The following IDE variants were observed in gnomAD, a reference collection of about 807,000 sequenced individuals.
IDE encodes insulin-degrading enzyme.
IDE carries 58 observed loss-of-function variants against 133.2 expected under a neutral mutation model. The observed-to-expected ratio is 0.44, with a 90% CI of 0.35 to 0.54. IDE has a LOEUF of 0.54. Among genes scored for constraint, IDE ranks in the 20% least tolerant of loss-of-function variants. The probability of loss-of-function intolerance (pLI) is 0.00; values close to 1 mark genes in which losing one functional copy is unlikely to be tolerated. For missense variants in IDE, 981 were observed against 1,234.0 expected, an observed-to-expected ratio of 0.79 and a Z score of 3.07; for synonymous variants, 396 against 421.3, an observed-to-expected ratio of 0.94 and a Z score of 0.73.
At chr10:92,514,015 A>G (rs1446056642) in intron 5 of IDE, among the ~76,000 whole-genome samples, 1 of 152,188 alleles carries the variant, frequency 6.6e-6, no homozygotes, top group Non-Finnish European at 1.5e-5. Flanking sequence ...TAAAATCAGT[A>G]TTTAGCCAAT....
intron 11 of IDE, among the ~76,000 whole-genome samples, chr10:92,504,272 A>C (rs954222053): frequency 1.3e-5 from 2 of 152,194 alleles, no homozygotes; most frequent in Non-Finnish European, 2.9e-5. Context: ...AAGCACTTTA[A>C]GGACTACTTT....
At chr10:92,477,764 C>A (rs564972020) in intron 15 of IDE, among the ~76,000 whole-genome samples, 1 of 151,980 alleles carries the variant, frequency 6.6e-6, no homozygotes, top group Non-Finnish European at 1.5e-5. Context: ...TACTAAAAAT[C>A]AACAGAAAAA....
chr10:92,537,202 A>C (rs1418990459), intron 2 of IDE, among the ~76,000 whole-genome samples, 164 bp downstream of exon 2: 1 of 152,230 alleles, frequency 6.6e-6, no homozygotes, highest in Non-Finnish European at 1.5e-5. Flanking sequence ...TATTTGACTG[A>C]AACAACTGCA....
intron 15 of IDE, chr10:92,478,834 G>GT: frequency 9.4e-7 from 1 of 1,066,468 alleles, no homozygotes; most frequent in Non-Finnish European, 1.2e-6. Flanking sequence ...ACCTCAAGCA[G>GT]TGGCATGGTA....
chr10:92,502,304 A>T (rs887729012), intron 11 of IDE, among the ~76,000 whole-genome samples: 37 of 151,688 alleles, frequency 2.4e-4, no homozygotes, highest in African/African-American at 8.0e-4. Flanking sequence ...GTCTTCTTTC[A>T]TTTTTCTCGG....
intron 19 of IDE, among the ~76,000 whole-genome samples, chr10:92,466,505 C>G (rs145268851): frequency 6.6e-6 from 1 of 152,014 alleles, no homozygotes; most frequent in Non-Finnish European, 1.5e-5. Flanking sequence ...TTGGTAGATA[C>G]GGGGTTTTGC....
chr10:92,524,445 T>TAATATATATATA (rs369893619), intron 4 of IDE, among the ~76,000 whole-genome samples: 3 of 13,268 alleles, frequency 2.3e-4, no homozygotes, highest in African/African-American at 1.1e-3. Flanking sequence ...ATATAATATA[T>TAATATATATATA]TTTATATATT....
chr10:92,463,611 AC>A, intron 21 of IDE, 119 bp downstream of exon 21: 3 of 892,984 alleles, frequency 3.4e-6, no homozygotes, highest in South Asian at 1.6e-5. Flanking sequence ...CCATCCCCCC[AC>A]CCCAACTCCC....
rs117380768 is a variant in IDE, at chr10:92,534,191, G to A, written c.491+387C>T. 3.3e-3 allele frequency among the ~76,000 whole-genome samples: 501 copies of A among 152,282 alleles called. 9 individuals carry two copies. The East Asian group carries it at 0.063, about 19-fold the overall frequency. ...CACGGTTGAAACAGCAGGTCAAAAC[G>A]TTCTGTATCTACTAAGCATCCTTGA... On this transcript the variant is annotated intron_variant, in intron 3 of 24. Transcript: ENST00000265986.
At chr10:92,472,845 C>T (rs957768578) in intron 17 of IDE, among the ~76,000 whole-genome samples, 1 of 151,488 alleles carries the variant, frequency 6.6e-6, no homozygotes, top group Non-Finnish European at 1.5e-5. Flanking sequence ...ACCATGTTGG[C>T]CAGAATGGTC....
chr10:92,559,287 C>G (rs1320296818), intron 1 of IDE: 1 of 152,060 alleles, frequency 6.6e-6, no homozygotes, highest in African/African-American at 2.4e-5. Context: ...CCAAGAGAAA[C>G]GAAAATAAGT....
chr10:92,563,869 A>T (rs995067360), intron 1 of IDE, among the ~76,000 whole-genome samples: 1 of 152,182 alleles, frequency 6.6e-6, no homozygotes, highest in African/African-American at 2.4e-5. Context: ...CTTTTTTGTC[A>T]AAGTCTCACA....
chr10:92,470,339 GT>G lies in IDE; in HGVS notation c.2122del (p.Thr708ProfsTer26). On this transcript the variant is annotated frameshift_variant, in exon 18 of 25. Transcript: ENST00000265986. LOFTEE classifies it high-confidence loss of function. ...DELKEALDDV[T>X]LPRLKAFIPQ... ...TATGAAGGCCTTAAGGCGAGGAAGG[GT>G]TACATCTGCAAAGGTGTAAGAAGAC... 6.3e-7 allele frequency: 1 copy of G among 1,599,998 alleles called. No individual in the cohort carries two copies. The highest frequency in any genetic ancestry group is 2.3e-5 in the East Asian group (1 of 44,260).
rs1844802855 is a variant in IDE at position 92,452,640 on chromosome 10, A to T, written c.*1804T>A. 1 of 151,938 alleles carries T rather than the reference A, an allele frequency of 6.6e-6. No homozygotes were observed. Among genetic ancestry groups the T allele is most frequent in the Non-Finnish European group, 1.5e-5 (1 of 67,970 alleles). The allele number at this position is 151,938 out of a possible 1,614,324, so 9.4% of individuals were successfully genotyped here. A position where few individuals can be genotyped will look rare whatever the true frequency, so the allele number is the denominator to read the frequency against. ...CTCATAAAAAAGACACTTAAATTTC[A>T]CCCATTTTTTAAAAAAGAGCTAAAA... On this transcript the variant is annotated 3_prime_UTR_variant, in exon 25 of 25. Coordinates refer to ENST00000265986, the MANE Select transcript of IDE (RefSeq NM_004969.4).
chr10:92,526,152 CAA>C (rs748661052), intron 4 of IDE, among the ~76,000 whole-genome samples: 10 of 82,738 alleles, frequency 1.2e-4, no homozygotes, highest in Admixed American at 1.3e-4. Flanking sequence ...GACTCCGTCT[CAA>C]AAAAAAAAAA....
chr10:92,506,380 T>C, intron 10 of IDE, 62 bp downstream of exon 10: 2 of 750,958 alleles, frequency 2.7e-6, no homozygotes, highest in South Asian at 2.0e-5. Context: ...ACTGAAAATA[T>C]ATGCAAGATT....
Position 92,530,847 on chromosome 10 carries a change from T to G in IDE, c.661+901A>C, listed in dbSNP as rs533251485. Among the ~76,000 whole-genome samples the G allele has an allele frequency of 3.3e-5, 5 of 152,224 alleles. No individual in the cohort carries two copies. The South Asian group carries it at 1.0e-3, about 32-fold the overall frequency. On this transcript the variant is annotated intron_variant, in intron 4 of 24. Transcript: ENST00000265986. ...TTTCTCTGACTGCTGTTGGATACAT[T>G]AGGATGATATCCAAACTTAAAGAAA... is the stretch of plus-strand genomic sequence containing the variant.
intron 1 of IDE, chr10:92,541,254 T>C (rs1407326499): frequency 8.8e-6 from 4 of 456,694 alleles, no homozygotes; most frequent in Admixed American, 7.5e-5. Context: ...TGGGTTTACC[T>C]ATAGCATATC....
rs145451690 is a variant in IDE, at chr10:92,463,860, T to C, written c.2632A>G (p.Thr878Ala). Residue 878 changes from threonine to alanine, a missense_variant, in exon 21 of 25, where the codon ACA becomes GCA. Thr to Ala is a moderately conservative substitution (Grantham distance 58). Coordinates refer to ENST00000265986, the MANE Select transcript of IDE (RefSeq NM_004969.4). ...ITMEKSIEDM[T>A]EEAFQKHIQA... ...ATGTGTTTTTGGAAGGCCTCTTCTG[T>C]CATGTCCTCTATGGACTTTTCCATG... 9.4e-5 allele frequency: 152 copies of C among 1,614,102 alleles called. No homozygotes were observed. The highest frequency in any genetic ancestry group is 3.3e-5 in the Admixed American group (2 of 60,002).
Sources: allele counts gnomAD v4.1 joint callset (sites outside exome capture counted in the v4.1 genomes callset), GRCh38; gene constraint gnomAD v4.1.1; transcripts MANE v1.5; gene names NCBI Gene and HGNC (gene_info 2026-07-23, HGNC 2026-07-21).